CCDC73: variants seen among roughly 807,000 people sequenced by gnomAD.
The protein encoded by CCDC73 is coiled-coil domain-containing protein 73.
CCDC73 carries 95 observed loss-of-function variants against 116.5 expected under a neutral mutation model. The ratio of observed to expected loss-of-function variants is 0.82; its 90% CI spans 0.69 to 0.97. CCDC73 has a LOEUF of 0.97. Among genes scored for constraint, CCDC73 ranks in the 50% least tolerant of loss-of-function variants. The pLI, the probability that CCDC73 is intolerant of heterozygous loss-of-function variation, is 0.00. For missense variants in CCDC73, 1,066 were observed against 1,206.8 expected (o/e 0.88, Z 1.73); for synonymous variants, 398 against 401.3 (o/e 0.99, Z 0.10).
chr11:32,798,848 C>CT (rs910030540), upstream of CCDC73, among the ~76,000 whole-genome samples: 14 of 150,404 alleles, frequency 9.3e-5, no homozygotes, highest in East Asian at 9.8e-4. Flanking sequence ...AAATTAAACA[C>CT]TTTTTTTTCA....
intron 2 of CCDC73, among the ~76,000 whole-genome samples, chr11:32,754,628 G>T (rs1412001928): frequency 6.6e-6 from 1 of 152,040 alleles, no homozygotes; most frequent in Non-Finnish European, 1.5e-5. Flanking sequence ...AGAAATGATG[G>T]ATTACCTAGA....
At chr11:32,695,309 C>G (rs1166953260) in intron 6 of CCDC73, among the ~76,000 whole-genome samples, 1 of 148,612 alleles carries the variant, frequency 6.7e-6, no homozygotes, top group African/African-American at 2.5e-5. Context: ...GTAGAAGTTG[C>G]AATGAGCCGA....
chr11:32,666,971 G>A (rs561552670), intron 9 of CCDC73, among the ~76,000 whole-genome samples: 24 of 152,304 alleles, frequency 1.6e-4, no homozygotes, highest in Middle Eastern at 3.4e-3. Flanking sequence ...CTGCAGAACC[G>A]TGAATATCGC....
rs888952155 is a variant in CCDC73, at chr11:32,736,882, A to G, written c.136-18735T>C. Among the ~76,000 whole-genome samples, 8 of 151,742 alleles carry G rather than the reference A, an allele frequency of 5.3e-5. 2 individuals carry two copies. The highest frequency in any genetic ancestry group is 4.6e-4 in the Admixed American group (7 of 15,214). ...TGTAGGGACATGGATGAAGCTGGAAACCATCATTCTCAGCAAACTATCATA... is the reference window on the plus strand; with the variant it reads ...TGTAGGGACATGGATGAAGCTGGAAGCCATCATTCTCAGCAAACTATCATA... On this transcript the variant is annotated intron_variant, in intron 2 of 17. Transcript: ENST00000335185.
At chr11:32,637,578 C>A (rs1446093781) in intron 13 of CCDC73, among the ~76,000 whole-genome samples, 2 of 151,430 alleles carry the variant, frequency 1.3e-5, no homozygotes, top group African/African-American at 4.9e-5. Flanking sequence ...CTTACCAGCT[C>A]CCTCTCCCCT....
intron 14 of CCDC73, among the ~76,000 whole-genome samples, chr11:32,630,028 T>C (rs1026861817): frequency 6.7e-6 from 1 of 148,914 alleles, no homozygotes; most frequent in Non-Finnish European, 1.5e-5. Flanking sequence ...GTGACAGAAG[T>C]GGTAAATGTG....
At chr11:32,814,525 G>C in the CCDC73 span, among the ~76,000 whole-genome samples, 1 of 152,172 alleles carries the variant, frequency 6.6e-6, no homozygotes, top group African/African-American at 2.4e-5. Flanking sequence ...AAACAAAATA[G>C]ACAATAACAA....
At chr11:32,664,113 T>A (rs1855957036) in intron 9 of CCDC73, among the ~76,000 whole-genome samples, 3 of 152,200 alleles carry the variant, frequency 2.0e-5, no homozygotes, top group African/African-American at 7.2e-5. Context: ...TGCATCGATG[T>A]TCATTAGGGA....
intron 3 of CCDC73, among the ~76,000 whole-genome samples, chr11:32,708,019 A>G (rs1849869904): frequency 6.6e-6 from 1 of 152,182 alleles, no homozygotes; most frequent in Non-Finnish European, 1.5e-5. Context: ...TGGTTATTCT[A>G]GAATTTGTAT....
At chr11:32,712,043 G>A (rs568835237) in intron 3 of CCDC73, among the ~76,000 whole-genome samples, 11 of 152,098 alleles carry the variant, frequency 7.2e-5, no homozygotes, top group Non-Finnish European at 1.3e-4. Flanking sequence ...CTCATGCTGC[G>A]CAATCCTTGT....
At position 32,654,978 on chromosome 11, in the gene CCDC73, T is replaced by C. The variant is rs1855858245; in HGVS notation, c.646-6A>G. 2 of 1,583,912 alleles carry C rather than the reference T, an allele frequency of 1.3e-6. No homozygotes were observed. The highest frequency in any genetic ancestry group is 1.7e-6 in the Non-Finnish European group (2 of 1,171,556). ...GAGGCTGCTTTTTTTAGTTCCTTAATAAGAAACATATCAAACAGAAAATTC... is the reference window on the plus strand; with the variant it reads ...GAGGCTGCTTTTTTTAGTTCCTTAACAAGAAACATATCAAACAGAAAATTC... On this transcript the variant is annotated splice_polypyrimidine_tract_variant and splice_region_variant and intron_variant, in intron 9 of 17. Transcript: ENST00000335185.
At chr11:32,636,438 A>C (rs1160858349) in intron 13 of CCDC73, among the ~76,000 whole-genome samples, 1 of 152,084 alleles carries the variant, frequency 6.6e-6, no homozygotes, top group African/African-American at 2.4e-5. Context: ...ACTCCCTATA[A>C]AATTTCATAA....
chr11:32,758,472 T>C, intron 2 of CCDC73: 1 of 458,446 alleles, frequency 2.2e-6, no homozygotes, highest in Non-Finnish European at 4.3e-6. Flanking sequence ...GAGGTTATCT[T>C]GAAAAAATGT....
At chr11:32,642,250 T>C (rs1476988405) in intron 12 of CCDC73, among the ~76,000 whole-genome samples, 168 bp from the exon 13 acceptor site, 3 of 152,032 alleles carry the variant, frequency 2.0e-5, no homozygotes, top group African/African-American at 7.2e-5. Context: ...AAGGTGCTTA[T>C]AGTTTAGCTA....
At chr11:32,638,731 C>T (rs983918366) in intron 13 of CCDC73, among the ~76,000 whole-genome samples, 10 of 152,104 alleles carry the variant, frequency 6.6e-5, no homozygotes, top group Admixed American at 1.3e-4. Context: ...CCCACCTCAG[C>T]CTCCCAAAGT....
At chr11:32,649,162 T>A (rs1265846553) in intron 12 of CCDC73, among the ~76,000 whole-genome samples, 3 of 152,164 alleles carry the variant, frequency 2.0e-5, no homozygotes. Flanking sequence ...TGACTACCAA[T>A]AACTTAGATA....
chr11:32,745,927 T>G (rs945123953), intron 2 of CCDC73, among the ~76,000 whole-genome samples: 7 of 152,162 alleles, frequency 4.6e-5, no homozygotes, highest in Non-Finnish European at 8.8e-5. Context: ...CCATTTACAT[T>G]TAAGGTTAAT....
intron 1 of CCDC73, among the ~76,000 whole-genome samples, chr11:32,764,017 T>C (rs994890609): frequency 2.6e-5 from 4 of 152,178 alleles, no homozygotes; most frequent in African/African-American, 9.7e-5. Context: ...GTATCAGTGA[T>C]TGAAGATCAA....
the CCDC73 span, among the ~76,000 whole-genome samples, chr11:32,810,219 G>A: frequency 6.6e-6 from 1 of 152,200 alleles, no homozygotes; most frequent in Admixed American, 6.5e-5. Context: ...CCCTTGAATG[G>A]TAATGGAAAA....
Sources: gnomAD v4.1 joint callset for allele counts (sites outside exome capture counted in the v4.1 genomes callset) on GRCh38, gnomAD v4.1.1 for gene constraint, MANE v1.5 for transcripts, NCBI Gene and HGNC (gene_info 2026-07-23, HGNC 2026-07-21) for gene names.